Variants in ADGRV1 observed in about 807,000 individuals in gnomAD.
The protein encoded by ADGRV1 is G-protein coupled receptor 98.
ADGRV1 carries 359 observed loss-of-function variants against 596.2 expected under a neutral mutation model. That is an observed-to-expected ratio of 0.60 (90% CI 0.55 to 0.66). ADGRV1 has a LOEUF of 0.66. Among genes scored for constraint, ADGRV1 ranks in the 30% least tolerant of loss-of-function variants. ADGRV1 has a pLI of 0.00. For missense variants in ADGRV1, 7,274 were observed against 7,575.6 expected (o/e 0.96, Z 1.48); for synonymous variants, 2,681 against 2,679.2 (o/e 1.00, Z -0.02).
At position 90,692,588 on chromosome 5, in the gene ADGRV1, T is replaced by G. The variant is rs1403666655; in HGVS notation, c.6952-17T>G. 1 of 1,589,288 alleles carries G rather than the reference T, an allele frequency of 6.3e-7. No individual in the cohort carries two copies. Among genetic ancestry groups the G allele is most frequent in the Admixed American group, 1.8e-5 (1 of 55,612 alleles). ...AGAACTGTGATGCTGTTAAGGAAGT[T>G]TTCACTGTATTTTTAGGTTATCCAA... is the stretch of plus-strand genomic sequence containing the variant. On this transcript the variant is annotated splice_polypyrimidine_tract_variant and intron_variant, in intron 31 of 89. Transcript: ENST00000405460.
intron 41 of ADGRV1, among the ~76,000 whole-genome samples, chr5:90,712,042 C>T (rs1749429075): frequency 6.6e-6 from 1 of 152,184 alleles, no homozygotes. Flanking sequence ...CCCGCCTCGG[C>T]CTCACATAGT....
At position 90,703,555 on chromosome 5, in the gene ADGRV1, T is replaced by C. The variant is rs1580796479; in HGVS notation, c.8156-110T>C. 5.6e-6 allele frequency: 4 copies of C among 712,852 alleles called. No individual in the cohort carries two copies. In the East Asian group the frequency reaches 8.9e-5, roughly 16 times the overall value. 44.2% of individuals were successfully genotyped at this position (712,852 alleles called of 1,614,324 possible). Reference sequence around the variant, plus strand: ...AAAACAAAACAGCTTTGTAATGTTCTTGGGAAAGGTGCTGTAATAGTTGCA... The same window carrying C: ...AAAACAAAACAGCTTTGTAATGTTCCTGGGAAAGGTGCTGTAATAGTTGCA... On this transcript the variant is annotated intron_variant, in intron 34 of 89. Coordinates refer to ENST00000405460, the MANE Select transcript of ADGRV1 (RefSeq NM_032119.4).
intron 75 of ADGRV1, 28 bp downstream of exon 75, chr5:90,815,764 C>G (rs368634767): frequency 8.6e-7 from 1 of 1,158,134 alleles, no homozygotes; most frequent in South Asian, 1.3e-5. Context: ...ATATGGAAGA[C>G]GTAACATTCT....
At chr5:90,619,964 G>A (rs561303075) in intron 4 of ADGRV1, among the ~76,000 whole-genome samples, 57 of 152,102 alleles carry the variant, frequency 3.7e-4, no homozygotes, top group African/African-American at 1.3e-3. Context: ...GTATTCCATG[G>A]TGTATTGTGC....
chr5:91,105,929 T>A (rs1327538737), intron 87 of ADGRV1, among the ~76,000 whole-genome samples: 1 of 150,890 alleles, frequency 6.6e-6, no homozygotes, highest in African/African-American at 2.4e-5. Flanking sequence ...AAATAGATTC[T>A]TATTATATTT....
chr5:90,561,022 A>G (rs1246550113), intron 1 of ADGRV1, among the ~76,000 whole-genome samples: 2 of 152,178 alleles, frequency 1.3e-5, no homozygotes, highest in Non-Finnish European at 2.9e-5. Context: ...ATATCCTATG[A>G]TGAATCATAA....
intron 83 of ADGRV1, among the ~76,000 whole-genome samples, chr5:90,937,659 G>A (rs1040155849): frequency 2.6e-5 from 4 of 152,002 alleles, no homozygotes; most frequent in Admixed American, 6.6e-5. Context: ...GGGTTTCACC[G>A]TGTTAGCCAG....
At position 91,008,000 on chromosome 5, in the gene ADGRV1, T is replaced by A. The variant is rs2151132416; in HGVS notation, c.18152+22478T>A. Among the ~76,000 whole-genome samples the A allele has an allele frequency of 2.0e-5, 3 of 152,340 alleles. No individual in the cohort carries two copies. In the South Asian group the frequency reaches 6.2e-4, roughly 32 times the overall value. On this transcript the variant is annotated intron_variant, in intron 85 of 89. Transcript: ENST00000405460. Reference sequence around the variant, plus strand: ...CAAAGGTTATTATTCTATGTTATTCTATGACACGTCCTCAGGACACTTAAA... The same window carrying A: ...CAAAGGTTATTATTCTATGTTATTCAATGACACGTCCTCAGGACACTTAAA...
chr5:91,034,482 G>A (rs550110921), intron 85 of ADGRV1, among the ~76,000 whole-genome samples: 42 of 152,240 alleles, frequency 2.8e-4, no homozygotes, highest in Non-Finnish European at 4.0e-4. Flanking sequence ...TTATTCTTAA[G>A]TACTACATCC....
intron 10 of ADGRV1, among the ~76,000 whole-genome samples, chr5:90,636,304 G>C: frequency 6.6e-6 from 1 of 152,176 alleles, no homozygotes; most frequent in African/African-American, 2.4e-5. Flanking sequence ...GTTGAGGTTT[G>C]GATCAGAAAG....
At chr5:90,862,362 AC>A (rs1767684945) in intron 82 of ADGRV1, among the ~76,000 whole-genome samples, 1 of 151,950 alleles carries the variant, frequency 6.6e-6, no homozygotes, top group Non-Finnish European at 1.5e-5. Context: ...TTACTCACAC[AC>A]ACACACACAC....
chr5:90,625,198 T>G lies in ADGRV1; in HGVS notation c.627T>G (p.Pro209=), dbSNP rs1764582362. 2.5e-6 allele frequency: 4 copies of G among 1,613,716 alleles called. No homozygotes were observed. Among genetic ancestry groups the G allele is most frequent in the Admixed American group, 3.3e-5 (2 of 60,020 alleles). Residue 209 remains proline, a synonymous_variant, in exon 6 of 90, where the codon CCT becomes CCG. Transcript: ENST00000405460. ...SPVKGNITFP[P]GRATVIYNLT... ...TTAAAGGAAATATCACCTTTCCCCC[T>G]GGCAGAGCAACAGTAATTTATAACT...
chr5:90,672,761 GA>G, intron 22 of ADGRV1, 39 bp downstream of exon 22: 1 of 1,464,266 alleles, frequency 6.8e-7, no homozygotes, highest in Non-Finnish European at 9.2e-7. Flanking sequence ...AAGCCTCCTG[GA>G]AAGCTTTTCC....
chr5:90,963,598 A>C lies in ADGRV1; in HGVS notation c.17857-1817A>C, dbSNP rs184768305. 1.8e-4 allele frequency among the ~76,000 whole-genome samples: 27 copies of C among 152,030 alleles called. No individual in the cohort carries two copies. The East Asian group carries it at 3.7e-3, about 21-fold the overall frequency. ...ATAGTGTGTATTACAAATGCACCAA[A>C]TCTAGGGCTAAGTAAACAGAAAGTT... On this transcript the variant is annotated intron_variant, in intron 83 of 89. Transcript: ENST00000405460.
At chr5:90,938,910 A>G (rs901600305) in intron 83 of ADGRV1, among the ~76,000 whole-genome samples, 1 of 152,158 alleles carries the variant, frequency 6.6e-6, no homozygotes. Flanking sequence ...TTCTTATTAC[A>G]TTTCTAGAAA....
chr5:90,577,570 T>C (rs1219217050), intron 1 of ADGRV1, among the ~76,000 whole-genome samples: 1 of 152,194 alleles, frequency 6.6e-6, no homozygotes. Flanking sequence ...AGCTTTGTTG[T>C]TTTTGCTTAG....
chr5:90,931,451 A>T (rs935767619), intron 83 of ADGRV1, among the ~76,000 whole-genome samples: 1 of 152,236 alleles, frequency 6.6e-6, no homozygotes, highest in Non-Finnish European at 1.5e-5. Context: ...TAGTTTCTAT[A>T]AATCAAATTC....
chr5:90,694,976 T>C (rs982920774), intron 33 of ADGRV1, among the ~76,000 whole-genome samples: 8 of 152,184 alleles, frequency 5.3e-5, no homozygotes, highest in African/African-American at 1.9e-4. Context: ...TAGTAGTGTC[T>C]TTGACAAAGC....
At chr5:90,790,201 A>G (rs1759911402) in intron 69 of ADGRV1, among the ~76,000 whole-genome samples, 1 of 152,170 alleles carries the variant, frequency 6.6e-6, no homozygotes. Context: ...CTTATTTCTC[A>G]TTAGAATTTT....
Sources: allele counts gnomAD v4.1 joint callset (sites outside exome capture counted in the v4.1 genomes callset), GRCh38; gene constraint gnomAD v4.1.1; transcripts MANE v1.5; gene names NCBI Gene and HGNC (gene_info 2026-07-23, HGNC 2026-07-21).